SHROOM3: variants seen among roughly 807,000 people sequenced by gnomAD.
SHROOM3 encodes the protein shroom family member 3.
In SHROOM3, 47 loss-of-function variants were observed where a neutral mutation model predicts 138.6. That is an observed-to-expected ratio of 0.34 (90% confidence interval 0.27 to 0.43). SHROOM3 has a LOEUF of 0.43. SHROOM3 is among the 20% of genes least tolerant of loss of function. The pLI, the probability that SHROOM3 is intolerant of heterozygous loss-of-function variation, is 1.00. For synonymous variants in SHROOM3, 1,062 were observed against 1,063.3 expected (o/e 1.00, Z 0.02); for missense variants, 2,491 against 2,596.5 (o/e 0.96, Z 0.88).
At chr4:76,624,291 G>C (rs988184465) in intron 2 of SHROOM3, among the ~76,000 whole-genome samples, 3 of 152,092 alleles carry the variant, frequency 2.0e-5, no homozygotes, top group African/African-American at 7.2e-5. Context: ...TCTTGTGCTT[G>C]CCAATAGAGG....
At chr4:76,480,053 G>A (rs1731572567) in intron 1 of SHROOM3, among the ~76,000 whole-genome samples, 1 of 152,198 alleles carries the variant, frequency 6.6e-6, no homozygotes, top group South Asian at 2.1e-4. Context: ...TTGACACTAT[G>A]AAGAAACTGC....
chr4:76,572,873 G>A (rs1270131095), intron 2 of SHROOM3, among the ~76,000 whole-genome samples: 1 of 152,116 alleles, frequency 6.6e-6, no homozygotes, highest in African/African-American at 2.4e-5. Context: ...TTGAGGTCAG[G>A]AGTTCGAGAC....
At chr4:76,655,472 G>A (rs944141012) in intron 2 of SHROOM3, among the ~76,000 whole-genome samples, 8 of 152,160 alleles carry the variant, frequency 5.3e-5, no homozygotes, top group Admixed American at 3.3e-4. Flanking sequence ...CCACGACCAA[G>A]AAAGACTGTT....
chr4:76,689,621 G>C (rs1049007503), intron 2 of SHROOM3: 1 of 985,316 alleles, frequency 1.0e-6, no homozygotes. Flanking sequence ...CGCCTCCTCG[G>C]AGCGGCGGCG....
chr4:76,552,282 G>C (rs1733381923), intron 1 of SHROOM3, among the ~76,000 whole-genome samples: 1 of 150,930 alleles, frequency 6.6e-6, no homozygotes, highest in Admixed American at 6.6e-5. Context: ...CAAAGTGGGA[G>C]GATCACTTGA....
Position 76,741,528 on chromosome 4 carries a change from G to T in SHROOM3, c.3355G>T (p.Ala1119Ser), listed in dbSNP as rs376919921. The T allele has an allele frequency of 6.4e-7, 1 of 1,554,272 alleles. No homozygotes were observed. The change falls in exon 5 of 11, where the codon GCC becomes TCC. Residue 1119 changes from alanine (A) to serine (S), a missense_variant. Ala to Ser is a moderately conservative substitution (Grantham distance 99). Coordinates refer to ENST00000296043, the MANE Select transcript of SHROOM3 (RefSeq NM_020859.4). The surrounding 1 kb of genome is among the most constrained non-coding windows in gnomAD (Gnocchi z 6.2). ...GCCACTGCGTGAGCGCGCCCAGAGT[G>T]CCTACCTCCAGCCCGGCCCCGCGGC... Reference protein sequence around the residue: ...PGPLRERAQSAYLQPGPAALE... With the variant: ...PGPLRERAQSSYLQPGPAALE...
chr4:76,495,221 C>A (rs1320323268), intron 1 of SHROOM3, among the ~76,000 whole-genome samples: 5 of 152,174 alleles, frequency 3.3e-5, no homozygotes, highest in African/African-American at 1.2e-4. Context: ...GCTATTGGTG[C>A]CATGCCCAGG....
intron 2 of SHROOM3, among the ~76,000 whole-genome samples, chr4:76,705,932 G>T (rs1720034466): frequency 1.3e-5 from 2 of 152,054 alleles, no homozygotes; most frequent in South Asian, 4.1e-4. Flanking sequence ...GGGGGATTGG[G>T]GATGCTAACC....
intron 1 of SHROOM3, among the ~76,000 whole-genome samples, chr4:76,467,659 C>A (rs1731275728): frequency 6.6e-6 from 1 of 152,152 alleles, no homozygotes; most frequent in African/African-American, 2.4e-5. Flanking sequence ...CAAGTGAAGT[C>A]ACTGCAACTG....
rs767910140 is a variant in SHROOM3, at chr4:76,740,810, G to A, written c.2637G>A (p.Gln879=). The change falls in exon 5 of 11, where the codon CAG becomes CAA. Residue 879 remains glutamine, a synonymous_variant. Transcript: ENST00000296043. The surrounding 1 kb of genome is among the most constrained non-coding windows in gnomAD (Gnocchi z 4.0). The part of the protein sequence containing the change: ...GGASDSGRGP[Q]RPDARLLRSQ... ...CGTCGGACAGCGGCCGTGGCCCCCAGAGGCCGGACGCTCGGCTCCTCCGTA... is the reference window on the plus strand; with the variant it reads ...CGTCGGACAGCGGCCGTGGCCCCCAAAGGCCGGACGCTCGGCTCCTCCGTA... The A allele has an allele frequency of 6.2e-7, 1 of 1,606,852 alleles. No homozygotes were observed. Among genetic ancestry groups the A allele is most frequent in the Non-Finnish European group, 8.5e-7 (1 of 1,176,932 alleles).
Position 76,597,966 on chromosome 4 carries a change from G to C in SHROOM3, c.323+42203G>C, listed in dbSNP as rs551597051. 3.9e-5 allele frequency among the ~76,000 whole-genome samples: 6 copies of C among 152,082 alleles called. No individual in the cohort carries two copies. The South Asian group carries it at 1.2e-3, about 32-fold the overall frequency. On this transcript the variant is annotated intron_variant, in intron 2 of 10. Transcript: ENST00000296043. ...GTGAGCATGCAAATCTGAAGGACCA[G>C]GTTCTTGCTTTCAGAGAATGCAGCA... is the stretch of plus-strand genomic sequence containing the variant.
chr4:76,505,558 A>G (rs1157398350), intron 1 of SHROOM3, among the ~76,000 whole-genome samples: 1 of 152,010 alleles, frequency 6.6e-6, no homozygotes, highest in Non-Finnish European at 1.5e-5. Flanking sequence ...TATTTGGGAA[A>G]AAAATAATAA....
chr4:76,465,660 T>G (rs976223184), intron 1 of SHROOM3, among the ~76,000 whole-genome samples: 1 of 152,186 alleles, frequency 6.6e-6, no homozygotes, highest in Non-Finnish European at 1.5e-5. Flanking sequence ...CCTCTGTAGG[T>G]GTTTCTCCTA....
chr4:76,762,366 C>A (rs928702339), intron 9 of SHROOM3, among the ~76,000 whole-genome samples: 2 of 152,120 alleles, frequency 1.3e-5, no homozygotes, highest in African/African-American at 4.8e-5. Flanking sequence ...TGAGAAGGTG[C>A]CTTATTGCCA....
At chr4:76,476,990 C>G (rs755213941) in intron 1 of SHROOM3, among the ~76,000 whole-genome samples, 19 of 152,148 alleles carry the variant, frequency 1.2e-4, no homozygotes, top group Non-Finnish European at 2.6e-4. Flanking sequence ...TTTTTTGAGA[C>G]AGAGTCTCAC....
chr4:76,435,387 GT>G lies in SHROOM3; in HGVS notation c.-659del, dbSNP rs1553912825. The stretch of plus-strand genomic sequence containing the variant: ...TTCATTTTCTCTACATCCTGCAAAA[GT>G]TTTTTTCTCTCCTAAGAAACAAACT... On this transcript the variant is annotated 5_prime_UTR_variant, in exon 1 of 11. Transcript: ENST00000296043. The G allele has an allele frequency of 1.3e-4, 20 of 152,124 alleles. No individual in the cohort carries two copies. Among genetic ancestry groups the G allele is most frequent in the Non-Finnish European group, 1.0e-4 (7 of 68,000 alleles). 9.4% of individuals were successfully genotyped at this position (152,124 alleles called of 1,614,324 possible).
intron 4 of SHROOM3, among the ~76,000 whole-genome samples, chr4:76,737,421 T>C (rs1429746612): frequency 6.6e-6 from 1 of 152,192 alleles, no homozygotes; most frequent in Non-Finnish European, 1.5e-5. Context: ...GACGTGAGTT[T>C]TCAGTTCCAG....
At chr4:76,653,554 A>G (rs1736005335) in intron 2 of SHROOM3, among the ~76,000 whole-genome samples, 1 of 151,130 alleles carries the variant, frequency 6.6e-6, no homozygotes, top group Admixed American at 6.6e-5. Context: ...TCATTTCTTC[A>G]TTCATTTTAT....
intron 2 of SHROOM3, among the ~76,000 whole-genome samples, chr4:76,601,941 C>A (rs1734515789): frequency 6.6e-6 from 1 of 152,186 alleles, no homozygotes; most frequent in South Asian, 2.1e-4. Flanking sequence ...AAACAACAAC[C>A]AGGTTGATTC....
Sources: allele counts gnomAD v4.1 joint callset (sites outside exome capture counted in the v4.1 genomes callset), GRCh38; gene constraint gnomAD v4.1.1; non-coding constraint Gnocchi (gnomAD v3.1); transcripts MANE v1.5; gene names NCBI Gene and HGNC (gene_info 2026-07-23, HGNC 2026-07-21).